Variants in PM20D1 observed in about 807,000 individuals in gnomAD.
PM20D1 encodes peptidase M20 domain containing 1.
Under a neutral mutation model 53.8 loss-of-function variants are expected in PM20D1, and 53 were observed. The observed-to-expected ratio is 0.98, with a 90% confidence interval of 0.79 to 1.24. PM20D1 has a LOEUF of 1.24. Among genes scored for constraint, PM20D1 ranks in the 50% most tolerant of loss-of-function variants. PM20D1 has a pLI of 0.00. For synonymous variants in PM20D1, 239 were observed against 241.3 expected (o/e 0.99, Z 0.09); for missense variants, 564 against 616.8 (o/e 0.91, Z 0.91).
intron 10 of PM20D1, among the ~76,000 whole-genome samples, chr1:205,833,147 C>G (rs1009515104): frequency 1.3e-5 from 2 of 152,216 alleles, no homozygotes; most frequent in African/African-American, 4.8e-5. Flanking sequence ...CTCTTGAAAG[C>G]CTATAGCTAT....
At chr1:205,837,553 G>GT (rs1314083798) in intron 10 of PM20D1, among the ~76,000 whole-genome samples, 12 of 152,208 alleles carry the variant, frequency 7.9e-5, no homozygotes, top group Non-Finnish European at 1.6e-4. Flanking sequence ...TCCAGCCCGA[G>GT]GCTCTGTGCA....
At chr1:205,849,767 G>A in intron 1 of PM20D1, 137 bp downstream of exon 1, 1 of 1,107,112 alleles carries the variant, frequency 9.0e-7, no homozygotes, top group Non-Finnish European at 1.3e-6. Context: ...AAGGGTGTTG[G>A]GGCCGGGCTG....
At chr1:205,849,662 G>T (rs1164128296) in intron 1 of PM20D1, among the ~76,000 whole-genome samples, 1 of 152,140 alleles carries the variant, frequency 6.6e-6, no homozygotes, top group Non-Finnish European at 1.5e-5. Context: ...GAGGGGTGAA[G>T]TTGGAGCTTC....
chr1:205,840,467 T>G, intron 9 of PM20D1, 144 bp from the exon 10 acceptor site: 1 of 643,020 alleles, frequency 1.6e-6, no homozygotes, highest in Non-Finnish European at 2.7e-6. Context: ...CTAGTCTGCC[T>G]CTTGTCTTCT....
chr1:205,845,330 C>G lies in PM20D1; in HGVS notation c.484G>C (p.Val162Leu), dbSNP rs1418078028. The stretch of plus-strand genomic sequence containing the variant: ...GGGAACATTGCATCTCAGACCATCA[C>G]AGAGTTCTTGTCGTCCAGTGTGCCC... ...GRGTLDDKNS[V>L]MALLQALELL... is the part of the protein sequence containing the mutation. The change falls in exon 3 of 13, where the codon GTG becomes CTG. Residue 162 changes from valine to leucine, a missense_variant. Transcript: ENST00000367136. 1 of 1,613,180 alleles carries G rather than the reference C, an allele frequency of 6.2e-7. No individual in the cohort carries two copies. The highest frequency in any genetic ancestry group is 1.3e-5 in the African/African-American group (1 of 74,910).
intron 4 of PM20D1, 27 bp downstream of exon 4, chr1:205,844,784 G>T (rs1656907253): frequency 1.3e-6 from 2 of 1,599,492 alleles, no homozygotes; most frequent in Non-Finnish European, 1.7e-6. Context: ...AGAGGACAGA[G>T]ATAGGTATAA....
intron 9 of PM20D1, among the ~76,000 whole-genome samples, chr1:205,840,930 T>A (rs995551881): frequency 6.6e-6 from 1 of 152,208 alleles, no homozygotes; most frequent in Admixed American, 6.5e-5. Context: ...TCCCAGCCAG[T>A]GACTGAGCCA....
At position 205,828,884 on chromosome 1, in the gene PM20D1, G is replaced by A. The variant is rs749602445; in HGVS notation, c.1386-141C>T. ...CAGGGCTAGGAAAGAGAGGGGCAAG[G>A]GAGGGGCCATCTGAGATTTCGGATG... On this transcript the variant is annotated intron_variant, in intron 12 of 12. Transcript: ENST00000367136. 139 of 1,097,956 alleles carry A rather than the reference G, an allele frequency of 1.3e-4. 1 individual carries two copies. Among genetic ancestry groups the A allele is most frequent in the Non-Finnish European group, 1.7e-4 (137 of 786,458 alleles). The allele number at this position is 1,097,956 out of a possible 1,614,324, so 68.0% of individuals were successfully genotyped here.
At position 205,828,469 on chromosome 1, in the gene PM20D1, C is replaced by T. The variant is rs1656488691; in HGVS notation, c.*151G>A. 6 of 1,153,920 alleles carry T rather than the reference C, an allele frequency of 5.2e-6. No homozygotes were observed. The South Asian group carries it at 1.0e-4, about 19-fold the overall frequency. 71.5% of individuals were successfully genotyped at this position (1,153,920 alleles called of 1,614,324 possible). A position where few individuals can be genotyped will look rare whatever the true frequency, so the allele number is the denominator to read the frequency against. On this transcript the variant is annotated 3_prime_UTR_variant, in exon 13 of 13. Coordinates refer to ENST00000367136, the MANE Select transcript of PM20D1 (RefSeq NM_152491.5). ...TCTGCTGACTTTACCTTACCCCGGC[C>T]TTGTTCTTGGGAGAGTTTAAGAGTG...
intron 8 of PM20D1, 116 bp downstream of exon 8, chr1:205,842,038 G>T: frequency 8.3e-7 from 1 of 1,201,950 alleles, no homozygotes; most frequent in South Asian, 1.3e-5. Flanking sequence ...ACTTAGAGAT[G>T]CAGTATCTGG....
chr1:205,830,279 C>T lies in PM20D1; in HGVS notation c.1385+1G>A, dbSNP rs751868754. On this transcript the variant is annotated splice_donor_variant, in intron 12 of 12. Transcript: ENST00000367136. LOFTEE classifies it high-confidence loss of function. ...CTGCTGCTCAAACCTGTTCCACTCA[C>T]CGTTTGAAGTCTTCAGGCTGTATGT... 6 of 1,584,572 alleles carry T rather than the reference C, an allele frequency of 3.8e-6. No homozygotes were observed. The South Asian group carries it at 4.4e-5, about 12-fold the overall frequency.
At chr1:205,840,183 A>G in intron 10 of PM20D1, 69 bp downstream of exon 10, 2 of 1,450,932 alleles carry the variant, frequency 1.4e-6, no homozygotes, top group Non-Finnish European at 1.9e-6. Context: ...ACTGTAGTTA[A>G]ACCCGGGCCC....
chr1:205,833,747 C>A (rs555786039), intron 10 of PM20D1, among the ~76,000 whole-genome samples: 2 of 152,280 alleles, frequency 1.3e-5, no homozygotes, highest in South Asian at 4.1e-4. Flanking sequence ...CTAGTCCCAA[C>A]CCATTTGTTC....
chr1:205,829,974 T>C (rs563708213), intron 12 of PM20D1: 2 of 265,674 alleles, frequency 7.5e-6, no homozygotes, highest in Non-Finnish European at 1.4e-5. Flanking sequence ...GGATAAGCCC[T>C]CTCCCAAAGA....
In PM20D1 at chr1:205,840,272, G is replaced by A; in HGVS notation, c.1096C>T (p.Pro366Ser). The stretch of plus-strand genomic sequence containing the variant: ...CATACCTCTTGGACTGTCTGTCCAG[G>A]GTGAATCCGGAAGTTGACTGTGGCC... ...AQATVNFRIH[P>S]GQTVQEVLEL... The change falls in exon 10 of 13, where the codon CCT becomes TCT. Residue 366 changes from proline (P) to serine (S), a missense_variant. Physicochemically the swap from Pro to Ser is moderately conservative, Grantham distance 74. Coordinates refer to ENST00000367136, the MANE Select transcript of PM20D1 (RefSeq NM_152491.5). The A allele has an allele frequency of 6.2e-7, 1 of 1,614,014 alleles. No homozygotes were observed. The highest frequency in any genetic ancestry group is 1.3e-5 in the African/African-American group (1 of 75,056).
chr1:205,843,926 A>G (rs1244004182), intron 5 of PM20D1, 140 bp from the exon 6 acceptor site: 7 of 1,468,532 alleles, frequency 4.8e-6, no homozygotes, highest in East Asian at 4.6e-5. Context: ...TACTGGAGGA[A>G]GAATGGAAGG....
At position 205,846,489 on chromosome 1, in the gene PM20D1, A is replaced by G. The variant is rs190798270; in HGVS notation, c.257-932T>C. Among the ~76,000 whole-genome samples the G allele has an allele frequency of 8.7e-4, 133 of 152,372 alleles. 1 individual carries two copies. The highest frequency in any genetic ancestry group is 2.9e-3 in the African/African-American group (121 of 41,590). On this transcript the variant is annotated intron_variant, in intron 2 of 12. Transcript: ENST00000367136. ...TACGTGTTAAAGGGCTATGCAGATG[A>G]GGGATGCATTAAATTTTGACCATAG...
At chr1:205,830,432 C>T (rs376583881) in intron 11 of PM20D1, 53 bp from the exon 12 acceptor site, 17 of 1,343,208 alleles carry the variant, frequency 1.3e-5, no homozygotes, top group East Asian at 6.9e-5. Flanking sequence ...ATCAAACCAG[C>T]GAAGTGGCTG....
intron 10 of PM20D1, among the ~76,000 whole-genome samples, chr1:205,835,396 G>T (rs995631640): frequency 6.6e-6 from 1 of 152,132 alleles, no homozygotes; most frequent in Non-Finnish European, 1.5e-5. Flanking sequence ...CCTCATAAGT[G>T]GTGGTGACCA....
Sources: gnomAD v4.1 joint callset for allele counts (sites outside exome capture counted in the v4.1 genomes callset) on GRCh38, gnomAD v4.1.1 for gene constraint, MANE v1.5 for transcripts, NCBI Gene and HGNC (gene_info 2026-07-23, HGNC 2026-07-21) for gene names.